Variants in USP34 observed in about 807,000 individuals in gnomAD.
USP34 encodes the protein ubiquitin carboxyl-terminal hydrolase 34.
Under a neutral mutation model 460.3 loss-of-function variants are expected in USP34, and 70 were observed. The observed-to-expected ratio is 0.15, with a 90% confidence interval of 0.13 to 0.19. USP34 has a LOEUF of 0.19. Among genes scored for constraint, USP34 ranks in the 10% least tolerant of loss-of-function variants. USP34 has a pLI of 1.00. For missense variants in USP34, 3,985 were observed against 4,236.2 expected, an observed-to-expected ratio of 0.94 and a Z score of 1.65; for synonymous variants, 1,647 against 1,405.3, an observed-to-expected ratio of 1.17 and a Z score of -3.85.
intron 62 of USP34, among the ~76,000 whole-genome samples, chr2:61,225,958 T>A (rs954568050): frequency 3.3e-5 from 5 of 152,208 alleles, no homozygotes; most frequent in Non-Finnish European, 5.9e-5. Flanking sequence ...AGGGCCATTT[T>A]ATTTACTTAT....
intron 48 of USP34, among the ~76,000 whole-genome samples, chr2:61,255,758 C>G (rs1286981032): frequency 6.6e-6 from 1 of 152,080 alleles, no homozygotes; most frequent in Non-Finnish European, 1.5e-5. Context: ...ATGAATCATC[C>G]CTTTGTCCAG....
chr2:61,243,071 C>T (rs1454333102), intron 51 of USP34, among the ~76,000 whole-genome samples: 1 of 152,024 alleles, frequency 6.6e-6, no homozygotes, highest in Admixed American at 6.6e-5. Flanking sequence ...GTCTCGAACT[C>T]CTGACCTCAA....
At chr2:61,456,039 G>A (rs993082600) in intron 1 of USP34, among the ~76,000 whole-genome samples, 1 of 152,054 alleles carries the variant, frequency 6.6e-6, no homozygotes, top group Admixed American at 6.6e-5. Context: ...AAAATACACA[G>A]CTAAATGTAT....
intron 6 of USP34, among the ~76,000 whole-genome samples, chr2:61,381,226 TAA>T (rs1198603005): frequency 1.0e-4 from 14 of 137,290 alleles, no homozygotes; most frequent in African/African-American, 3.9e-4. Context: ...AATAAATAAA[TAA>T]AAAATAAACA....
chr2:61,421,746 AAT>A (rs941455334), intron 1 of USP34, among the ~76,000 whole-genome samples: 9 of 151,670 alleles, frequency 5.9e-5, no homozygotes, highest in African/African-American at 2.2e-4. Flanking sequence ...TCCTGTACCA[AAT>A]ATATATGAGG....
chr2:61,392,112 G>T (rs540980759), intron 5 of USP34, among the ~76,000 whole-genome samples: 81 of 152,280 alleles, frequency 5.3e-4, no homozygotes, highest in African/African-American at 1.9e-3. Flanking sequence ...CTAAACCTTT[G>T]TATTTAGTAA....
intron 10 of USP34, among the ~76,000 whole-genome samples, chr2:61,351,172 C>A (rs1691932407): frequency 6.6e-6 from 1 of 151,988 alleles, no homozygotes; most frequent in Non-Finnish European, 1.5e-5. Flanking sequence ...ATTTACATGT[C>A]ATAATACAAA....
At chr2:61,444,146 T>G (rs141641569) in intron 1 of USP34, among the ~76,000 whole-genome samples, 1 of 152,178 alleles carries the variant, frequency 6.6e-6, no homozygotes, top group African/African-American at 2.4e-5. Context: ...TCCCAGCTAC[T>G]CAGGAGGCTG....
chr2:61,437,029 G>C (rs1694832763), intron 1 of USP34, among the ~76,000 whole-genome samples: 1 of 152,170 alleles, frequency 6.6e-6, no homozygotes, highest in Non-Finnish European at 1.5e-5. Flanking sequence ...AAGCCTGTGG[G>C]ATACAGCAAA....
chr2:61,201,040 T>A (rs1686961300), intron 75 of USP34, among the ~76,000 whole-genome samples: 1 of 152,070 alleles, frequency 6.6e-6, no homozygotes, highest in African/African-American at 2.4e-5. Flanking sequence ...TTGATTTATA[T>A]TTAATGCTGT....
At chr2:61,232,868 C>G (rs1316049171) in intron 57 of USP34, among the ~76,000 whole-genome samples, 3 of 120,412 alleles carry the variant, frequency 2.5e-5, no homozygotes, top group Non-Finnish European at 3.4e-5. Context: ...ATTCCCCCCC[C>G]CCTTTTTTTT....
intron 18 of USP34, among the ~76,000 whole-genome samples, chr2:61,337,090 G>A (rs1465820082): frequency 6.6e-6 from 1 of 152,044 alleles, no homozygotes; most frequent in Non-Finnish European, 1.5e-5. Flanking sequence ...AAATACTGAG[G>A]TAAACACATC....
intron 2 of USP34, among the ~76,000 whole-genome samples, chr2:61,419,550 A>G (rs919427081): frequency 1.3e-5 from 2 of 152,180 alleles, no homozygotes; most frequent in African/African-American, 2.4e-5. Flanking sequence ...ATGGGAACAT[A>G]TAACTCCCAC....
chr2:61,346,606 C>T (rs1358996434), intron 15 of USP34, among the ~76,000 whole-genome samples: 4 of 137,038 alleles, frequency 2.9e-5, no homozygotes, highest in Non-Finnish European at 6.1e-5. Context: ...CAGGCCGAAT[C>T]ATAAGGTCAG....
intron 41 of USP34, among the ~76,000 whole-genome samples, chr2:61,272,751 A>T (rs1326218731): frequency 6.6e-6 from 1 of 152,230 alleles, no homozygotes; most frequent in Non-Finnish European, 1.5e-5. Flanking sequence ...TGACATGAAC[A>T]TGAAGACCTT....
chr2:61,455,583 G>T lies in USP34; in HGVS notation c.43+15067C>A, dbSNP rs562900003. On this transcript the variant is annotated intron_variant, in intron 1 of 79. Coordinates refer to ENST00000398571, the MANE Select transcript of USP34 (RefSeq NM_014709.4). ...AGCCTGGAAGTTCAAGACCAGCCCA[G>T]GCAGCATACCAAGACCCCCATCTCA... Among the ~76,000 whole-genome samples the T allele has an allele frequency of 5.9e-5, 9 of 152,160 alleles. No homozygotes were observed. The South Asian group carries it at 1.9e-3, about 32-fold the overall frequency.
intron 6 of USP34, 82 bp from the exon 7 acceptor site, chr2:61,380,443 G>T: frequency 7.2e-7 from 1 of 1,381,010 alleles, no homozygotes; most frequent in Non-Finnish European, 9.7e-7. Flanking sequence ...AATGTACATT[G>T]TAAGCATTAA....
intron 1 of USP34, among the ~76,000 whole-genome samples, chr2:61,451,235 A>AAAAAAAAAAAAAAAAAAAAT (rs1695266173): frequency 7.1e-6 from 1 of 141,020 alleles, no homozygotes; most frequent in Non-Finnish European, 1.6e-5. Context: ...AAAAAAAAAA[A>AAAAAAAAAAAAAAAAAAAAT]AAAAAAAAAA....
At chr2:61,456,404 T>G (rs977083299) in intron 1 of USP34, among the ~76,000 whole-genome samples, 3 of 152,202 alleles carry the variant, frequency 2.0e-5, no homozygotes, top group African/African-American at 7.2e-5. Context: ...CAGGAAGGTT[T>G]TGGAAAAAGC....
Sources: gnomAD v4.1 joint callset for allele counts (sites outside exome capture counted in the v4.1 genomes callset) on GRCh38, gnomAD v4.1.1 for gene constraint, MANE v1.5 for transcripts, NCBI Gene and HGNC (gene_info 2026-07-23, HGNC 2026-07-21) for gene names.